The following CFAP54 variants were observed in gnomAD, a reference collection of about 807,000 sequenced individuals.
CFAP54 encodes cilia and flagella associated protein 54.
CFAP54 carries 290 observed loss-of-function variants against 370.4 expected under a neutral mutation model. That is an observed-to-expected ratio of 0.78 (90% CI 0.71 to 0.86). The LOEUF (loss-of-function observed/expected upper bound fraction) is 0.86. Among genes scored for constraint, CFAP54 ranks in the 40% least tolerant of loss-of-function variants. The probability of loss-of-function intolerance (pLI) is 0.00; values close to 1 mark genes in which losing one functional copy is unlikely to be tolerated. For synonymous variants in CFAP54, 1,206 were observed against 1,236.5 expected, an observed-to-expected ratio of 0.98 and a Z score of 0.52; for missense variants, 3,399 against 3,528.7, an observed-to-expected ratio of 0.96 and a Z score of 0.93.
intron 24 of CFAP54, 133 bp downstream of exon 24, chr12:96,592,770 G>A (rs966981842): frequency 5.0e-5 from 17 of 340,412 alleles, no homozygotes; most frequent in Middle Eastern, 7.6e-4. Context: ...ATGATTATGC[G>A]ACTTTATGTG....
chr12:96,758,360 G>A (rs1337209451), intron 58 of CFAP54, among the ~76,000 whole-genome samples: 2 of 152,150 alleles, frequency 1.3e-5, no homozygotes, highest in Non-Finnish European at 1.5e-5. Context: ...GGTGGAAGGC[G>A]AAAGTCACAT....
intron 50 of CFAP54, among the ~76,000 whole-genome samples, chr12:96,722,471 G>A (rs1302696926): frequency 1.3e-5 from 2 of 152,204 alleles, no homozygotes; most frequent in East Asian, 3.8e-4. Flanking sequence ...CTTGTGGCTG[G>A]GGTGGAGTGA....
At chr12:96,792,551 C>T in intron 63 of CFAP54, 52 bp downstream of exon 63, 1 of 1,375,684 alleles carries the variant, frequency 7.3e-7, no homozygotes, top group Non-Finnish European at 9.8e-7. Flanking sequence ...TAAAGCTTAA[C>T]TAAACCATTA....
At chr12:96,812,638 C>T (rs1238024281) in intron 64 of CFAP54, among the ~76,000 whole-genome samples, 2 of 152,152 alleles carry the variant, frequency 1.3e-5, no homozygotes, top group African/African-American at 2.4e-5. Context: ...TAACCACTAA[C>T]GCCTGTTCCA....
At chr12:96,827,940 A>G (rs1225174043) in intron 65 of CFAP54, among the ~76,000 whole-genome samples, 15 of 108,482 alleles carry the variant, frequency 1.4e-4, no homozygotes, top group African/African-American at 4.3e-4. Flanking sequence ...ATATAGTTAT[A>G]TATAATATAT....
intron 63 of CFAP54, among the ~76,000 whole-genome samples, chr12:96,792,840 C>T: frequency 1.3e-5 from 2 of 151,626 alleles, no homozygotes; most frequent in South Asian, 2.1e-4. Flanking sequence ...GAATATTTTA[C>T]TGTATCTATT....
chr12:96,530,389 C>T (rs989357472), intron 9 of CFAP54, among the ~76,000 whole-genome samples: 4 of 152,122 alleles, frequency 2.6e-5, no homozygotes, highest in African/African-American at 9.7e-5. Context: ...ACTTGGGAGG[C>T]TGAGGCAAAA....
At position 96,598,626 on chromosome 12, in the gene CFAP54, T is replaced by C. The variant is rs141243872; in HGVS notation, c.3517-19T>C. 7.5e-3 allele frequency: 4,508 copies of C among 601,034 alleles called. 46 individuals carry two copies. The highest frequency in any genetic ancestry group is 0.05 in the Middle Eastern group (195 of 3,928). The allele number at this position is 601,034 out of a possible 1,614,324, so 37.2% of individuals were successfully genotyped here. ...GGATGACATTTTAAAACAAAAATCATTGTGATTCTAATTTTTAGATCCTGA... is the reference window on the plus strand; with the variant it reads ...GGATGACATTTTAAAACAAAAATCACTGTGATTCTAATTTTTAGATCCTGA... On this transcript the variant is annotated intron_variant, in intron 25 of 67. Coordinates refer to ENST00000524981, the MANE Select transcript of CFAP54 (RefSeq NM_001306084.2).
At chr12:96,868,668 G>A (rs1019000300) in intron 67 of CFAP54, among the ~76,000 whole-genome samples, 3 of 152,100 alleles carry the variant, frequency 2.0e-5, no homozygotes, top group Non-Finnish European at 4.4e-5. Flanking sequence ...ATAATGGTAA[G>A]ATTAATTAAA....
At chr12:96,854,054 T>C (rs1366849394) in intron 66 of CFAP54, among the ~76,000 whole-genome samples, 3 of 152,008 alleles carry the variant, frequency 2.0e-5, no homozygotes, top group Admixed American at 6.6e-5. Flanking sequence ...TATTCCACAA[T>C]GAAAGCAATA....
chr12:96,685,993 G>A (rs183792658), intron 42 of CFAP54, among the ~76,000 whole-genome samples: 347 of 152,310 alleles, frequency 2.3e-3, no homozygotes, highest in Non-Finnish European at 2.1e-3. Context: ...TTCCTTCTGA[G>A]CCTCAGTGTC....
At chr12:96,826,977 T>C (rs897998705) in intron 65 of CFAP54, among the ~76,000 whole-genome samples, 8 of 137,096 alleles carry the variant, frequency 5.8e-5, no homozygotes, top group Non-Finnish European at 9.2e-5. Flanking sequence ...TATATATGAT[T>C]ATATATAATA....
intron 63 of CFAP54, among the ~76,000 whole-genome samples, chr12:96,801,230 A>T (rs1820088447): frequency 6.6e-6 from 1 of 152,214 alleles, no homozygotes; most frequent in Non-Finnish European, 1.5e-5. Context: ...CTAATACTCC[A>T]TGCCACAATA....
intron 65 of CFAP54, among the ~76,000 whole-genome samples, chr12:96,825,252 ATATATTATATATAATATAACATGT>A (rs1260104377): frequency 3.8e-5 from 4 of 104,258 alleles, no homozygotes; most frequent in Admixed American, 1.1e-4. Flanking sequence ...CCTAGATATT[ATATATTATATATAATATAACATGT>A]TATATTATAT....
At chr12:96,741,503 T>C (rs758571084) in intron 51 of CFAP54, among the ~76,000 whole-genome samples, 1 of 152,150 alleles carries the variant, frequency 6.6e-6, no homozygotes, top group Non-Finnish European at 1.5e-5. Context: ...CACCTTGCCC[T>C]ACTCTTCCTG....
At chr12:96,769,828 C>T (rs1269957339) in intron 60 of CFAP54, among the ~76,000 whole-genome samples, 1 of 152,164 alleles carries the variant, frequency 6.6e-6, no homozygotes, top group Non-Finnish European at 1.5e-5. Flanking sequence ...ACATCCATTA[C>T]CTTACAGTGA....
intron 46 of CFAP54, among the ~76,000 whole-genome samples, chr12:96,700,328 CAG>C (rs1957478631): frequency 6.6e-6 from 1 of 152,082 alleles, no homozygotes; most frequent in Non-Finnish European, 1.5e-5. Context: ...AATTCTGGCT[CAG>C]GGATGCTGCA....
At position 96,594,404 on chromosome 12, in the gene CFAP54, T is replaced by G; in HGVS notation, c.3474T>G (p.Ala1158=). 6.5e-7 allele frequency: 1 copy of G among 1,534,070 alleles called. No homozygotes were observed. Among genetic ancestry groups the G allele is most frequent in the Non-Finnish European group, 8.7e-7 (1 of 1,145,422 alleles). Residue 1158 remains alanine, a synonymous_variant, in exon 25 of 68, where the codon GCT becomes GCG. Transcript: ENST00000524981. The part of the protein sequence containing the change: ...QAVTQCYGLL[A]PIIYHNIVLV... The stretch of plus-strand genomic sequence containing the variant: ...TGACTCAATGTTATGGACTTCTTGC[T>G]CCCATAATTTATCACAATATTGTTT...
chr12:96,855,657 G>A (rs1565762771), intron 66 of CFAP54, among the ~76,000 whole-genome samples: 1 of 152,244 alleles, frequency 6.6e-6, no homozygotes, highest in African/African-American at 2.4e-5. Context: ...GATGCAAGAG[G>A]TGGGCCCCCA....
Sources: gnomAD v4.1 joint callset for allele counts (sites outside exome capture counted in the v4.1 genomes callset) on GRCh38, gnomAD v4.1.1 for gene constraint, MANE v1.5 for transcripts, NCBI Gene and HGNC (gene_info 2026-07-23, HGNC 2026-07-21) for gene names.